TENM4: variants seen among roughly 807,000 people sequenced by gnomAD.
TENM4 encodes the protein teneurin transmembrane protein 4.
TENM4 carries 82 observed loss-of-function variants against 243.3 expected under a neutral mutation model. That is an observed-to-expected ratio of 0.34 (90% CI 0.28 to 0.40). The LOEUF (loss-of-function observed/expected upper bound fraction) is 0.40, where lower values mean the gene tolerates loss of function less well. Ranked by LOEUF, TENM4 falls within the 10% of genes least tolerant of loss-of-function variation. TENM4 has a pLI of 1.00. For missense variants in TENM4, 3,138 were observed against 3,673.3 expected (o/e 0.85, Z 3.77); for synonymous variants, 1,412 against 1,456.3 (o/e 0.97, Z 0.69).
intron 6 of TENM4, among the ~76,000 whole-genome samples, chr11:78,941,277 C>T (rs1324750880): frequency 6.6e-6 from 1 of 152,180 alleles, no homozygotes; most frequent in Non-Finnish European, 1.5e-5. Flanking sequence ...TGAAATGAGA[C>T]CAGAGACATA....
At chr11:79,063,848 G>A (rs1006862747) in intron 6 of TENM4, among the ~76,000 whole-genome samples, 3 of 152,210 alleles carry the variant, frequency 2.0e-5, no homozygotes, top group African/African-American at 7.2e-5. Flanking sequence ...GCCTCAGGGA[G>A]GAGAGTGGAA....
In TENM4 at chr11:79,403,949, A is replaced by G. The variant is rs1023682096; in HGVS notation, c.-321+36560T>C. Among the ~76,000 whole-genome samples, 10 of 152,356 alleles carry G rather than the reference A, an allele frequency of 6.6e-5. No homozygotes were observed. The South Asian group carries it at 2.1e-3, about 32-fold the overall frequency. On this transcript the variant is annotated intron_variant, in intron 1 of 33. Transcript: ENST00000278550. ...AGCTTGGCCATGGTCACATGCCCAG[A>G]GAATGACAGTCAGCATTTGAACCCA...
At position 78,787,029 on chromosome 11, in the gene TENM4, C is replaced by T. The variant is rs561987247; in HGVS notation, c.2234G>A (p.Arg745His). The T allele has an allele frequency of 3.7e-5, 57 of 1,557,902 alleles. No individual in the cohort carries two copies. The highest frequency in any genetic ancestry group is 8.3e-5 in the South Asian group (7 of 84,448). The change falls in exon 16 of 34, where the codon CGC (arginine) becomes CAC (histidine). Residue 745 changes from arginine to histidine, a missense_variant. Physicochemically the swap from Arg to His is conservative, Grantham distance 29. Around this residue, in one of 2 missense-constraint regions of TENM4, gnomAD observed 2,467 missense variants for 3,059.1 expected, o/e 0.81. Transcript: ENST00000278550. ...TGCCCCCATCCAGCCATCCTCGCAG[C>T]GGCAGGTGCCCCCTACGCACACGCC... ...GHGVCVGGTCRCEDGWMGAAC... is the reference protein window; with the variant it reads ...GHGVCVGGTCHCEDGWMGAAC...
chr11:79,327,259 G>A (rs1234658413), intron 1 of TENM4, among the ~76,000 whole-genome samples: 2 of 152,176 alleles, frequency 1.3e-5, no homozygotes, highest in Admixed American at 1.3e-4. Flanking sequence ...CACTATAATT[G>A]AGACAGTGGC....
intron 2 of TENM4, among the ~76,000 whole-genome samples, chr11:79,236,618 C>G (rs1262637834): frequency 6.6e-6 from 1 of 152,148 alleles, no homozygotes; most frequent in Non-Finnish European, 1.5e-5. Context: ...GGACTTGGCT[C>G]ACTGGACTCT....
chr11:79,103,639 A>G (rs1861287750), intron 4 of TENM4, among the ~76,000 whole-genome samples: 1 of 152,200 alleles, frequency 6.6e-6, no homozygotes, highest in South Asian at 2.1e-4. Context: ...CAAACAAAGC[A>G]CTACCTTAAT....
intron 4 of TENM4, among the ~76,000 whole-genome samples, chr11:79,142,209 T>A (rs916175447): frequency 6.6e-6 from 1 of 152,088 alleles, no homozygotes; most frequent in Non-Finnish European, 1.5e-5. Flanking sequence ...TTGCAGATGA[T>A]GTGACCTTAC....
At chr11:79,398,169 C>CA (rs1354063416) in intron 1 of TENM4, among the ~76,000 whole-genome samples, 1 of 151,688 alleles carries the variant, frequency 6.6e-6, no homozygotes, top group East Asian at 1.9e-4. Context: ...CTGTGCTTTA[C>CA]TTTTTTTTTC....
At chr11:79,230,514 T>C (rs1032100386) in intron 2 of TENM4, among the ~76,000 whole-genome samples, 1 of 152,228 alleles carries the variant, frequency 6.6e-6, no homozygotes, top group African/African-American at 2.4e-5. Context: ...GTCCAGCCTC[T>C]GCCTGTGGCT....
intron 15 of TENM4, among the ~76,000 whole-genome samples, chr11:78,794,241 G>A (rs1857117343): frequency 6.6e-6 from 1 of 152,202 alleles, no homozygotes; most frequent in Non-Finnish European, 1.5e-5. Flanking sequence ...CTCAGCTGAG[G>A]TGCCTTTCAA....
chr11:79,291,727 A>G (rs1184076349), intron 2 of TENM4, among the ~76,000 whole-genome samples: 2 of 152,192 alleles, frequency 1.3e-5, no homozygotes, highest in Non-Finnish European at 2.9e-5. Flanking sequence ...CCAGCCTCCA[A>G]AAGGGCAAAG....
intron 19 of TENM4, among the ~76,000 whole-genome samples, chr11:78,743,735 G>T (rs1430680713): frequency 6.6e-6 from 1 of 152,104 alleles, no homozygotes; most frequent in African/African-American, 2.4e-5. Context: ...GAAAAAGAAT[G>T]CCAGAAACAA....
rs574794143 is a variant in TENM4 at position 79,130,747 on chromosome 11, C to T, written c.-66+17963G>A. 2.4e-3 allele frequency among the ~76,000 whole-genome samples: 368 copies of T among 152,120 alleles called. 2 individuals carry two copies. Among genetic ancestry groups the T allele is most frequent in the African/African-American group, 8.3e-3 (346 of 41,478 alleles). On this transcript the variant is annotated intron_variant, in intron 4 of 33. Transcript: ENST00000278550. The stretch of plus-strand genomic sequence containing the variant: ...CTGAGGCAGGAGAATGGTGTGAACT[C>T]GGGGGGCGGAGCTTGCAGTGAGCCG...
At chr11:78,708,596 CAGA>C in intron 26 of TENM4, 81 bp from the exon 27 acceptor site, 1 of 1,484,230 alleles carries the variant, frequency 6.7e-7, no homozygotes, top group Non-Finnish European at 9.1e-7. Context: ...TGCTAACTGA[CAGA>C]GCACCTCCTC....
intron 6 of TENM4, among the ~76,000 whole-genome samples, chr11:78,995,976 G>A (rs1057168720): frequency 2.0e-5 from 3 of 152,106 alleles, no homozygotes; most frequent in African/African-American, 2.4e-5. Context: ...AACTGAGATC[G>A]CTTATGTAAG....
chr11:78,661,585 T>A lies in TENM4; in HGVS notation c.7415A>T (p.Asn2472Ile). Residue 2472 changes from asparagine to isoleucine, a missense_variant, in exon 33 of 34, where the codon AAC (asparagine) becomes ATC (isoleucine). By Grantham distance (149) the Asn-to-Ile change is moderately radical. Transcript: ENST00000278550. ...GAATCCAAAGGTGAGCAGCCAGCTG[T>A]TAACATCTGGATGGGAGGGAAGCAG... ...QDIKCFMTDV[N>I]SWLLTFGFQL... 6.2e-7 allele frequency: 1 copy of A among 1,613,206 alleles called. No individual in the cohort carries two copies. The highest frequency in any genetic ancestry group is 8.5e-7 in the Non-Finnish European group (1 of 1,179,666).
Position 79,084,672 on chromosome 11 carries a change from T to C in TENM4, c.-65-14663A>G, listed in dbSNP as rs138325760. Among the ~76,000 whole-genome samples, 334 of 118,686 alleles carry C rather than the reference T, an allele frequency of 2.8e-3. 2 individuals carry two copies. Among genetic ancestry groups the C allele is most frequent in the African/African-American group, 0.01 (319 of 30,950 alleles). The allele number at this position is 118,686 out of a possible 152,430, so 77.9% of individuals were successfully genotyped here. A position where few individuals can be genotyped will look rare whatever the true frequency, so the allele number is the denominator to read the frequency against. The stretch of plus-strand genomic sequence containing the variant: ...AAGAAAAATGATAAAACTTTAGCAA[T>C]GGAGAACAGATTGGTGGTAGTTAGG... On this transcript the variant is annotated intron_variant, in intron 4 of 33. Coordinates refer to ENST00000278550, the MANE Select transcript of TENM4 (RefSeq NM_001098816.3).
chr11:78,687,459 C>T (rs754313020), intron 29 of TENM4, among the ~76,000 whole-genome samples: 6 of 152,154 alleles, frequency 3.9e-5, no homozygotes, highest in Non-Finnish European at 8.8e-5. Flanking sequence ...TTACTAAATC[C>T]CACAAAGCTG....
At chr11:78,863,212 C>G in intron 9 of TENM4, 80 bp from the exon 10 acceptor site, 1 of 1,402,022 alleles carries the variant, frequency 7.1e-7, no homozygotes, top group Non-Finnish European at 9.5e-7. Flanking sequence ...GAAAGGTGGG[C>G]AGGGTGGGGG....
Sources: gnomAD v4.1 joint callset for allele counts (sites outside exome capture counted in the v4.1 genomes callset) on GRCh38, gnomAD v4.1.1 for gene constraint, gnomAD v4.1.1 regional missense constraint, MANE v1.5 for transcripts, NCBI Gene and HGNC (gene_info 2026-07-23, HGNC 2026-07-21) for gene names.